The following CPED1 variants were observed in gnomAD, a reference collection of about 807,000 sequenced individuals.
CPED1 encodes cadherin-like and PC-esterase domain-containing protein 1.
Under a neutral mutation model 128.2 loss-of-function variants are expected in CPED1, and 114 were observed. The observed-to-expected ratio is 0.89, with a 90% confidence interval of 0.76 to 1.04. The LOEUF is 1.04. Ranked by LOEUF, CPED1 falls within the 50% of genes least tolerant of loss-of-function variation. The probability of loss-of-function intolerance (pLI) is 0.00; values close to 1 mark genes in which losing one functional copy is unlikely to be tolerated. For missense variants in CPED1, 1,211 were observed against 1,207.1 expected (o/e 1.00, Z -0.05); for synonymous variants, 462 against 426.7 (o/e 1.08, Z -1.02).
chr7:121,149,231 G>A (rs868377590), intron 16 of CPED1, among the ~76,000 whole-genome samples: 2 of 152,124 alleles, frequency 1.3e-5, no homozygotes, highest in East Asian at 1.9e-4. Context: ...GCAGGTGCAC[G>A]GAGACATTTT....
chr7:121,107,701 G>C (rs759012478), intron 7 of CPED1, among the ~76,000 whole-genome samples: 7 of 152,054 alleles, frequency 4.6e-5, no homozygotes, highest in Non-Finnish European at 8.8e-5. Context: ...GAAGTTAAAT[G>C]ATTTTTACAC....
chr7:121,253,457 T>C (rs1422508005), intron 18 of CPED1, among the ~76,000 whole-genome samples: 3 of 150,240 alleles, frequency 2.0e-5, no homozygotes, highest in Non-Finnish European at 4.4e-5. Flanking sequence ...AAACTTAAAG[T>C]ATAATAATAA....
intron 16 of CPED1, among the ~76,000 whole-genome samples, chr7:121,202,513 A>C (rs1194959523): frequency 1.3e-5 from 2 of 152,170 alleles, no homozygotes; most frequent in Non-Finnish European, 2.9e-5. Flanking sequence ...GGTCATGATC[A>C]CAACAAGACA....
intron 16 of CPED1, among the ~76,000 whole-genome samples, chr7:121,175,585 C>A (rs1449766842): frequency 6.6e-6 from 1 of 152,030 alleles, no homozygotes; most frequent in Non-Finnish European, 1.5e-5. Context: ...ATCTTATACT[C>A]AAAGCCAGTC....
At chr7:121,069,366 G>C (rs1793933339) in intron 5 of CPED1, among the ~76,000 whole-genome samples, 1 of 152,160 alleles carries the variant, frequency 6.6e-6, no homozygotes, top group South Asian at 2.1e-4. Context: ...TAATTCTGCT[G>C]TGCCTTTTCC....
intron 16 of CPED1, among the ~76,000 whole-genome samples, chr7:121,216,425 C>G (rs1201701373): frequency 6.6e-6 from 1 of 152,000 alleles, no homozygotes; most frequent in Admixed American, 6.6e-5. Flanking sequence ...CCACACATAT[C>G]AGCAAGAGAG....
chr7:121,162,693 T>G (rs1563050898), intron 16 of CPED1, among the ~76,000 whole-genome samples: 1 of 152,226 alleles, frequency 6.6e-6, no homozygotes, highest in Non-Finnish European at 1.5e-5. Context: ...ATGTCATCTG[T>G]TTCCTCTCCA....
chr7:121,118,570 AAAAC>A (rs1190394239), intron 7 of CPED1, among the ~76,000 whole-genome samples: 1 of 151,358 alleles, frequency 6.6e-6, no homozygotes, highest in Non-Finnish European at 1.5e-5. Flanking sequence ...AAAAAAAAAA[AAAAC>A]AGAGAGAGAA....
At chr7:121,024,056 A>C (rs578230017) in intron 3 of CPED1, among the ~76,000 whole-genome samples, 3 of 152,124 alleles carry the variant, frequency 2.0e-5, no homozygotes, top group Non-Finnish European at 4.4e-5. Context: ...AGACTGCACT[A>C]TTCTATTTTA....
chr7:121,095,704 G>C (rs75911742), intron 5 of CPED1, among the ~76,000 whole-genome samples: 1 of 152,134 alleles, frequency 6.6e-6, no homozygotes, highest in Non-Finnish European at 1.5e-5. Context: ...TTCATGTATA[G>C]CTCCACTTGA....
At chr7:121,045,418 A>T (rs1008724392) in intron 3 of CPED1, among the ~76,000 whole-genome samples, 18 of 152,252 alleles carry the variant, frequency 1.2e-4, no homozygotes, top group African/African-American at 4.1e-4. Flanking sequence ...AGGAACCAGT[A>T]GCCCAGACAA....
Position 121,079,123 on chromosome 7 carries a change from C to A in CPED1, c.616+14810C>A, listed in dbSNP as rs538604264. Among the ~76,000 whole-genome samples the A allele has an allele frequency of 2.0e-5, 3 of 152,286 alleles. No homozygotes were observed. The South Asian group carries it at 6.2e-4, about 32-fold the overall frequency. Reference sequence around the variant, plus strand: ...TCCTTAAAGGCCCTATCTTCACATACACCCATATTCCCAGGGACTGGAGGT... The same window carrying A: ...TCCTTAAAGGCCCTATCTTCACATAAACCCATATTCCCAGGGACTGGAGGT... On this transcript the variant is annotated intron_variant, in intron 5 of 22. Coordinates refer to ENST00000310396, the MANE Select transcript of CPED1 (RefSeq NM_024913.5).
chr7:121,110,253 C>T (rs1049630501), intron 7 of CPED1, among the ~76,000 whole-genome samples: 1 of 152,062 alleles, frequency 6.6e-6, no homozygotes, highest in Non-Finnish European at 1.5e-5. Flanking sequence ...ATGTTGGGCT[C>T]CAGTAGCATA....
intron 12 of CPED1, among the ~76,000 whole-genome samples, chr7:121,131,874 T>TGTG (rs1223954336): frequency 6.6e-6 from 1 of 151,976 alleles, no homozygotes; most frequent in East Asian, 1.9e-4. Flanking sequence ...TCTGATACGC[T>TGTG]GTAGCACAGG....
At chr7:121,235,718 A>C (rs1294216919) in intron 16 of CPED1, among the ~76,000 whole-genome samples, 1 of 152,180 alleles carries the variant, frequency 6.6e-6, no homozygotes, top group African/African-American at 2.4e-5. Context: ...CATTCAGTAT[A>C]GTAGAAAAGA....
At chr7:121,173,002 A>G (rs768635074) in intron 16 of CPED1, among the ~76,000 whole-genome samples, 5 of 152,146 alleles carry the variant, frequency 3.3e-5, no homozygotes, top group Non-Finnish European at 7.4e-5. Flanking sequence ...GTGTGTATAC[A>G]TATTTGAATT....
At chr7:121,098,917 A>G (rs1794771786) in intron 6 of CPED1, among the ~76,000 whole-genome samples, 1 of 150,170 alleles carries the variant, frequency 6.7e-6, no homozygotes, top group Non-Finnish European at 1.5e-5. Context: ...GTAGAAAAGC[A>G]AATAATTATA....
intron 7 of CPED1, among the ~76,000 whole-genome samples, chr7:121,122,854 G>A (rs10225539): frequency 0.069 from 10,503 of 152,092 alleles, 488 homozygotes; most frequent in African/African-American, 0.11. Context: ...CTTCCTCATG[G>A]AGATAAAATC....
At chr7:121,202,594 A>C (rs1006144304) in intron 16 of CPED1, among the ~76,000 whole-genome samples, 3 of 152,082 alleles carry the variant, frequency 2.0e-5, no homozygotes, top group African/African-American at 7.2e-5. Context: ...TTAAAAACAC[A>C]TTCTGACTTA....
Sources: gnomAD v4.1 joint callset for allele counts (sites outside exome capture counted in the v4.1 genomes callset) on GRCh38, gnomAD v4.1.1 for gene constraint, MANE v1.5 for transcripts, NCBI Gene and HGNC (gene_info 2026-07-23, HGNC 2026-07-21) for gene names.